The following ATOSA variants were observed in gnomAD, a reference collection of about 807,000 sequenced individuals.
ATOSA encodes the protein atos homolog protein A.
the ATOSA span, among the ~76,000 whole-genome samples, chr15:52,697,957 ATTTTTTTTTTTTTTTTTTTT>A: frequency 8.9e-5 from 4 of 44,736 alleles, no homozygotes; most frequent in Admixed American, 8.0e-4. Context: ...GGGATGTAGA[ATTTTTTTTTTTTTTTTTTTT>A]TTTTTTTTTT....
the ATOSA span, among the ~76,000 whole-genome samples, chr15:52,618,415 G>A: frequency 6.6e-6 from 1 of 152,106 alleles, no homozygotes. Context: ...ATCCTAAAGA[G>A]CACCTGATCA....
chr15:52,706,065 T>C, the ATOSA span, among the ~76,000 whole-genome samples: 109,618 of 151,874 alleles, frequency 0.72, 39,924 homozygotes, highest in East Asian at 0.93. Flanking sequence ...AATTGGTTAC[T>C]TTCAAGGCAT....
At chr15:52,609,627 A>G in the ATOSA span, 1 of 1,612,980 alleles carries the variant, frequency 6.2e-7, no homozygotes, top group Non-Finnish European at 8.5e-7. Flanking sequence ...CTGGACTACC[A>G]AAAGTCATGG....
chr15:52,694,828 C>T, the ATOSA span, among the ~76,000 whole-genome samples: 1 of 151,904 alleles, frequency 6.6e-6, no homozygotes, highest in Non-Finnish European at 1.5e-5. Flanking sequence ...TCTATTATAC[C>T]TTTTAAAATT....
chr15:52,682,263 G>A, the ATOSA span, among the ~76,000 whole-genome samples: 2 of 151,416 alleles, frequency 1.3e-5, no homozygotes, highest in African/African-American at 2.4e-5. Flanking sequence ...ATTGTGGGTT[G>A]AAATGTGTTC....
chr15:52,650,093 G>C, the ATOSA span, among the ~76,000 whole-genome samples: 1 of 152,102 alleles, frequency 6.6e-6, no homozygotes, highest in Non-Finnish European at 1.5e-5. Flanking sequence ...TCTATAATTA[G>C]AAAATAAAAT....
chr15:52,607,513 G>A, the ATOSA span, among the ~76,000 whole-genome samples: 6 of 152,278 alleles, frequency 3.9e-5, 2 homozygotes, highest in South Asian at 1.0e-3. Flanking sequence ...CCTGGATTAG[G>A]AGTCAAGAGA....
At chr15:52,614,863 A>G in the ATOSA span, among the ~76,000 whole-genome samples, 1 of 152,142 alleles carries the variant, frequency 6.6e-6, no homozygotes, top group African/African-American at 2.4e-5. Flanking sequence ...AAAAAAATTA[A>G]TATTTTTGGA....
At chr15:52,635,202 G>A in the ATOSA span, among the ~76,000 whole-genome samples, 1 of 152,092 alleles carries the variant, frequency 6.6e-6, no homozygotes, top group South Asian at 2.1e-4. Flanking sequence ...AATTTTATCT[G>A]GAGGTTTCAA....
At chr15:52,693,273 A>C in the ATOSA span, among the ~76,000 whole-genome samples, 11 of 152,276 alleles carry the variant, frequency 7.2e-5, no homozygotes, top group East Asian at 2.1e-3. Flanking sequence ...TACAAAAATT[A>C]GCTAGGCATG....
At chr15:52,606,678 G>A in the ATOSA span, among the ~76,000 whole-genome samples, 1 of 152,094 alleles carries the variant, frequency 6.6e-6, no homozygotes, top group Admixed American at 6.5e-5. Flanking sequence ...CATAAGAACC[G>A]AACATTCTTA....
At chr15:52,582,161 C>T in the ATOSA span, 1 of 1,568,444 alleles carries the variant, frequency 6.4e-7, no homozygotes. Context: ...TTATCAACAT[C>T]TTGGTGAAAA....
chr15:52,613,636 T>C, the ATOSA span: 4 of 1,586,338 alleles, frequency 2.5e-6, no homozygotes, highest in Admixed American at 1.7e-5. Context: ...AACTAGTTTA[T>C]ATAAAAGATA....
the ATOSA span, among the ~76,000 whole-genome samples, chr15:52,597,993 G>A: frequency 2.7e-4 from 41 of 151,954 alleles, no homozygotes; most frequent in African/African-American, 6.0e-4. Context: ...GCATGGTGGC[G>A]CGCTCCTGTA....
the ATOSA span, among the ~76,000 whole-genome samples, chr15:52,639,226 T>C: frequency 2.4e-4 from 37 of 152,296 alleles, no homozygotes; most frequent in African/African-American, 8.9e-4. Context: ...CTAGAAGGGA[T>C]AAGTGCTAAT....
the ATOSA span, among the ~76,000 whole-genome samples, chr15:52,610,904 G>A: frequency 6.6e-6 from 1 of 152,154 alleles, no homozygotes; most frequent in African/African-American, 2.4e-5. Context: ...TCTAAAGTAA[G>A]CTTAAAAGTT....
chr15:52,646,878 C>T, the ATOSA span, among the ~76,000 whole-genome samples: 1 of 152,104 alleles, frequency 6.6e-6, no homozygotes, highest in Admixed American at 6.5e-5. Flanking sequence ...TAGCATTCAG[C>T]ACATTCTCAA....
chr15:52,585,202 A>G, the ATOSA span: 1 of 301,624 alleles, frequency 3.3e-6, no homozygotes, highest in Non-Finnish European at 6.1e-6. Flanking sequence ...TTTCATATAT[A>G]TAAATTTTAC....
chr15:52,653,648 T>C, the ATOSA span, among the ~76,000 whole-genome samples: 1 of 152,194 alleles, frequency 6.6e-6, no homozygotes, highest in African/African-American at 2.4e-5. Context: ...ATTATACCAT[T>C]ATGAGCTTCA....
Sources: gnomAD v4.1 joint callset for allele counts (sites outside exome capture counted in the v4.1 genomes callset) on GRCh38, gnomAD v4.1.1 for gene constraint, MANE v1.5 for transcripts, NCBI Gene and HGNC (gene_info 2026-07-23, HGNC 2026-07-21) for gene names.